The following TRIM71 variants were observed in gnomAD, a reference collection of about 807,000 sequenced individuals.
TRIM71 encodes tripartite motif containing 71.
A neutral mutation model predicts 61.2 loss-of-function variants in TRIM71; 9 were observed. That is an observed-to-expected ratio of 0.15 (90% confidence interval 0.09 to 0.26). TRIM71 has a LOEUF of 0.26. Ranked by LOEUF, TRIM71 falls within the 10% of genes least tolerant of loss-of-function variation. The probability of loss-of-function intolerance (pLI) is 1.00; values close to 1 mark genes in which losing one functional copy is unlikely to be tolerated. For missense variants in TRIM71, 998 were observed against 1,238.7 expected, an observed-to-expected ratio of 0.81 and a Z score of 2.92; for synonymous variants, 645 against 553.2, an observed-to-expected ratio of 1.17 and a Z score of -2.33.
rs999019630 is a variant in TRIM71, at chr3:32,862,504, G to A, written c.853-11314G>A. ...CACTGTTGCCCGCTGTTTAAGAGGC[G>A]AGGACTGAGTTACATGGCCACCTAC... On this transcript the variant is annotated intron_variant, in intron 1 of 3. Coordinates refer to ENST00000383763, the MANE Select transcript of TRIM71 (RefSeq NM_001039111.3). Among the ~76,000 whole-genome samples, 11 of 152,292 alleles carry A rather than the reference G, an allele frequency of 7.2e-5. No homozygotes were observed. In the South Asian group the frequency reaches 1.9e-3, roughly 26 times the overall value.
Position 32,891,626 on chromosome 3 carries a change from A to G in TRIM71, c.2422A>G (p.Ile808Val). Reference protein sequence around the residue: ...QGVAVDQEGRIIVADSRNHRV... With the variant: ...QGVAVDQEGRVIVADSRNHRV... ...GGTAGCTGTGGACCAGGAAGGGCGC[A>G]TCATTGTGGCGGATTCCAGGAACCA... Residue 808 changes from isoleucine to valine, a missense_variant, in exon 4 of 4, where the codon ATC becomes GTC. Physicochemically the swap from Ile to Val is conservative, Grantham distance 29. This residue lies in a region of TRIM71 where 95 missense variants were observed against 159.0 expected (regional missense o/e 0.60). Coordinates refer to ENST00000383763, the MANE Select transcript of TRIM71 (RefSeq NM_001039111.3). This position sits in a 1 kb window ranked among gnomAD's most constrained non-coding sequence, Gnocchi z 8.2. 6.2e-7 allele frequency: 1 copy of G among 1,613,364 alleles called. No individual in the cohort carries two copies. Among genetic ancestry groups the G allele is most frequent in the Non-Finnish European group, 8.5e-7 (1 of 1,179,484 alleles).
intron 3 of TRIM71, among the ~76,000 whole-genome samples, chr3:32,887,343 A>G (rs1467871428): frequency 6.6e-6 from 1 of 152,094 alleles, no homozygotes; most frequent in African/African-American, 2.4e-5. Context: ...TCCCTTCTTC[A>G]TTGTAGTAAG....
chr3:32,871,791 C>T (rs945428787), intron 1 of TRIM71, among the ~76,000 whole-genome samples: 2 of 152,186 alleles, frequency 1.3e-5, no homozygotes, highest in Middle Eastern at 3.2e-3. Flanking sequence ...GCTGGCAAAG[C>T]ACTGCAGTGA....
chr3:32,875,870 G>T (rs2125689521), intron 2 of TRIM71, among the ~76,000 whole-genome samples: 1 of 152,232 alleles, frequency 6.6e-6, no homozygotes, highest in African/African-American at 2.4e-5. Flanking sequence ...AAAGAATTGA[G>T]ATCATGCCTC....
intron 1 of TRIM71, among the ~76,000 whole-genome samples, chr3:32,854,891 C>T (rs569162778): frequency 6.6e-5 from 10 of 152,248 alleles, no homozygotes; most frequent in African/African-American, 2.2e-4. Context: ...TTCCAGCCTT[C>T]GTTGTACAGT....
intron 1 of TRIM71, among the ~76,000 whole-genome samples, chr3:32,849,422 G>A (rs912649237): frequency 1.3e-5 from 2 of 151,062 alleles, no homozygotes; most frequent in African/African-American, 2.4e-5. Context: ...GTAATGGTGC[G>A]ATCTGAGCTC....
Position 32,891,388 on chromosome 3 carries a change from G to A in TRIM71, c.2184G>A (p.Gly728=), listed in dbSNP as rs1697022789. 1 of 1,614,010 alleles carries A rather than the reference G, an allele frequency of 6.2e-7. No homozygotes were observed. Among genetic ancestry groups the A allele is most frequent in the South Asian group, 1.1e-5 (1 of 91,074 alleles). The change falls in exon 4 of 4, where the codon GGG becomes GGA. Residue 728 remains glycine, a synonymous_variant. Transcript: ENST00000383763. The surrounding 1 kb of genome is among the most constrained non-coding windows in gnomAD (Gnocchi z 8.2). ...GGAACCACCGGATCCAGCTGTTTGGGCCTGATGGTGTCTTCCTAAACAAGT... is the reference window on the plus strand; with the variant it reads ...GGAACCACCGGATCCAGCTGTTTGGACCTGATGGTGTCTTCCTAAACAAGT... ...DTRNHRIQLF[G]PDGVFLNKYG...
Position 32,866,518 on chromosome 3 carries a change from C to T in TRIM71, c.853-7300C>T, listed in dbSNP as rs545570431. On this transcript the variant is annotated intron_variant, in intron 1 of 3. Transcript: ENST00000383763. ...CTGGGATTACAGGCGTGAGCCACCA[C>T]GCCTGATCAATGCTTTGTGTTTTGT... is the stretch of plus-strand genomic sequence containing the variant. Among the ~76,000 whole-genome samples the T allele has an allele frequency of 3.9e-4, 59 of 152,316 alleles. 1 individual carries two copies. Among genetic ancestry groups the T allele is most frequent in the East Asian group, 2.1e-3 (11 of 5,176 alleles).
chr3:32,829,469 G>A (rs1340708856), intron 1 of TRIM71, among the ~76,000 whole-genome samples: 1 of 152,174 alleles, frequency 6.6e-6, no homozygotes, highest in African/African-American at 2.4e-5. Flanking sequence ...GAGCCACGAT[G>A]CCCTGCTGTC....
At chr3:32,862,823 C>T (rs554147856) in intron 1 of TRIM71, among the ~76,000 whole-genome samples, 44 of 152,318 alleles carry the variant, frequency 2.9e-4, no homozygotes, top group African/African-American at 1.0e-3. Context: ...CTAATGATTT[C>T]ATATGGCTTT....
intron 1 of TRIM71, among the ~76,000 whole-genome samples, chr3:32,837,438 G>A (rs1021736064): frequency 3.3e-5 from 5 of 152,140 alleles, no homozygotes; most frequent in Admixed American, 3.3e-4. Flanking sequence ...ATAGTTTTAG[G>A]GGCTGTGGAT....
chr3:32,837,181 C>T (rs1315000649), intron 1 of TRIM71, among the ~76,000 whole-genome samples: 1 of 152,180 alleles, frequency 6.6e-6, no homozygotes, highest in African/African-American at 2.4e-5. Context: ...ATTTCCTAAG[C>T]GTATGCAATG....
chr3:32,818,048 C>T lies in TRIM71; in HGVS notation c.-33C>T, dbSNP rs1267355913. 6.2e-7 allele frequency: 1 copy of T among 1,601,274 alleles called. No individual in the cohort carries two copies. The highest frequency in any genetic ancestry group is 1.3e-5 in the African/African-American group (1 of 74,182). On this transcript the variant is annotated 5_prime_UTR_variant, in exon 1 of 4. Coordinates refer to ENST00000383763, the MANE Select transcript of TRIM71 (RefSeq NM_001039111.3). ...CTCCTCCTCCTCCTCCTCTTCCTCT[C>T]TGGTCTCCTCCCTCCTCCGGGCTGG... is the stretch of plus-strand genomic sequence containing the variant.
chr3:32,839,977 A>T (rs377003675), intron 1 of TRIM71, among the ~76,000 whole-genome samples: 2 of 152,200 alleles, frequency 1.3e-5, no homozygotes, highest in Non-Finnish European at 2.9e-5. Flanking sequence ...TGTTCAACTA[A>T]TGTTTACAGA....
chr3:32,841,758 G>A (rs554978736), intron 1 of TRIM71, among the ~76,000 whole-genome samples: 25 of 152,242 alleles, frequency 1.6e-4, no homozygotes, highest in Admixed American at 1.5e-3. Context: ...CAAGAGGTTT[G>A]TGGGACTTCA....
chr3:32,826,223 C>T (rs933114459), intron 1 of TRIM71, among the ~76,000 whole-genome samples: 1 of 152,174 alleles, frequency 6.6e-6, no homozygotes, highest in African/African-American at 2.4e-5. Flanking sequence ...CTTTGGGAGG[C>T]TGACGTGGGC....
intron 1 of TRIM71, among the ~76,000 whole-genome samples, chr3:32,844,240 A>G (rs879788679): frequency 6.6e-6 from 1 of 152,178 alleles, no homozygotes; most frequent in South Asian, 2.1e-4. Context: ...CATCTTTAAC[A>G]AGTACCTCTG....
At chr3:32,822,444 T>C (rs1696145460) in intron 1 of TRIM71, among the ~76,000 whole-genome samples, 1 of 152,134 alleles carries the variant, frequency 6.6e-6, no homozygotes. Context: ...TGGGACTGTC[T>C]CCTGGCAGGA....
At position 32,837,066 on chromosome 3, in the gene TRIM71, A is replaced by G. The variant is rs998367449; in HGVS notation, c.852+18134A>G. Among the ~76,000 whole-genome samples the G allele has an allele frequency of 2.6e-5, 4 of 151,504 alleles. No homozygotes were observed. In the South Asian group the frequency reaches 6.2e-4, roughly 24 times the overall value. On this transcript the variant is annotated intron_variant, in intron 1 of 3. Transcript: ENST00000383763. ...ATTACAAAAGAAATAAGTAGTCACT[A>G]TAACACAGGCAAACTTGAAGTAGAT...
Sources: gnomAD v4.1 joint callset for allele counts (sites outside exome capture counted in the v4.1 genomes callset) on GRCh38, gnomAD v4.1.1 for gene constraint, gnomAD v4.1.1 regional missense constraint, Gnocchi (gnomAD v3.1) non-coding constraint, MANE v1.5 for transcripts, NCBI Gene and HGNC (gene_info 2026-07-23, HGNC 2026-07-21) for gene names.